EP400: variants seen among roughly 807,000 people sequenced by gnomAD.
EP400 encodes the protein E1A binding protein p400, also known as E1A-binding protein p400.
A neutral mutation model predicts 354.1 loss-of-function variants in EP400; 105 were observed. The observed-to-expected ratio is 0.30, with a 90% CI of 0.25 to 0.35. EP400 has a LOEUF of 0.35. Among genes scored for constraint, EP400 ranks in the 10% least tolerant of loss-of-function variants. The pLI, the probability that EP400 is intolerant of heterozygous loss-of-function variation, is 1.00. For missense variants in EP400, 3,280 were observed against 4,121.0 expected, an observed-to-expected ratio of 0.80 and a Z score of 5.59; for synonymous variants, 1,646 against 1,716.9, an observed-to-expected ratio of 0.96 and a Z score of 1.02.
chr12:131,982,625 A>T, intron 5 of EP400, 147 bp downstream of exon 5: 1 of 989,694 alleles, frequency 1.0e-6, no homozygotes. Flanking sequence ...TACTCAATTC[A>T]GTACTTGCAA....
chr12:131,963,372 A>G (rs1007292395), intron 2 of EP400, among the ~76,000 whole-genome samples: 1 of 152,244 alleles, frequency 6.6e-6, no homozygotes, highest in Admixed American at 6.5e-5. Context: ...TTGTTGTGCT[A>G]TAAATCTGTC....
intron 12 of EP400, among the ~76,000 whole-genome samples, chr12:132,003,333 T>G (rs1893480795): frequency 6.6e-6 from 1 of 152,176 alleles, no homozygotes; most frequent in African/African-American, 2.4e-5. Flanking sequence ...GTATTATAAG[T>G]AACCTAGAGA....
Position 132,050,511 on chromosome 12 carries a change from T to G in EP400, c.7337+52T>G. ...GTTCATTATGACTGAGTAGATTGCG[T>G]GAAGCTTGGTTTTGATGTGTTTTTA... On this transcript the variant is annotated intron_variant, in intron 40 of 52. Transcript: ENST00000389561. The surrounding 1 kb of genome is among the most constrained non-coding windows in gnomAD (Gnocchi z 4.8). The G allele has an allele frequency of 1.2e-6, 2 of 1,613,098 alleles. No individual in the cohort carries two copies. Among genetic ancestry groups the G allele is most frequent in the Non-Finnish European group, 1.7e-6 (2 of 1,179,082 alleles).
intron 19 of EP400, among the ~76,000 whole-genome samples, chr12:132,016,606 TA>T (rs1893943070): frequency 1.3e-5 from 2 of 152,094 alleles, no homozygotes; most frequent in Admixed American, 1.3e-4. Flanking sequence ...CCCTGACCTC[TA>T]GTGATCCGCC....
chr12:132,030,412 G>A (rs148376056), intron 29 of EP400, among the ~76,000 whole-genome samples: 30 of 152,316 alleles, frequency 2.0e-4, no homozygotes, highest in South Asian at 6.2e-4. Context: ...CGATACTGGC[G>A]TACTTCAAGA....
intron 10 of EP400, 30 bp from the exon 11 acceptor site, chr12:131,992,143 T>C (rs1893060224): frequency 1.2e-6 from 2 of 1,600,834 alleles, no homozygotes; most frequent in African/African-American, 1.3e-5. Context: ...TTGGATCTCA[T>C]GCTTGTGGTT....
chr12:132,055,051 ACCC>A (rs1895436182), intron 44 of EP400, 32 bp downstream of exon 44: 1 of 1,613,276 alleles, frequency 6.2e-7, no homozygotes, highest in South Asian at 1.1e-5. Context: ...TGAAATGTGG[ACCC>A]CATTTCTCCT....
intron 11 of EP400, 122 bp downstream of exon 11, chr12:131,992,352 AT>A: frequency 2.3e-6 from 2 of 863,030 alleles, no homozygotes; most frequent in Non-Finnish European, 1.8e-6. Context: ...CAACCTTTGT[AT>A]TTATCCAGAT....
Position 132,070,911 on chromosome 12 carries a change from A to G in EP400, c.9021+1270A>G, listed in dbSNP as rs1170438645. Among the ~76,000 whole-genome samples the G allele has an allele frequency of 2.0e-5, 3 of 152,124 alleles. No homozygotes were observed. The highest frequency in any genetic ancestry group is 4.4e-5 in the Non-Finnish European group (3 of 68,034). ...AGTTTTTTATTCTGGCCGCCTTGCT[A>G]GATTCTGGTTATTTGAATAATTTAT... On this transcript the variant is annotated intron_variant, in intron 51 of 52. Coordinates refer to ENST00000389561, the MANE Select transcript of EP400 (RefSeq NM_015409.5). The surrounding 1 kb of genome is among the most constrained non-coding windows in gnomAD (Gnocchi z 4.1).
rs768195746 is a variant in EP400, at chr12:132,062,578, G to GCAA, written c.8213_8214insACA (p.Gln2748dup). 3.7e-5 allele frequency: 60 copies of GCAA among 1,609,462 alleles called. No individual in the cohort carries two copies. Among genetic ancestry groups the GCAA allele is most frequent in the African/African-American group, 6.7e-5 (5 of 74,424 alleles). On this transcript the variant is annotated inframe_insertion, in exon 47 of 53. Transcript: ENST00000389561. The stretch of plus-strand genomic sequence containing the variant: ...AGCAGCAGCAGCAGCAGCAGCAGCA[G>GCAA]CAGCAGCAGCAGCAACAGCAGCAGC...
At chr12:132,031,862 G>A (rs1036637389) in intron 29 of EP400, 91 bp from the exon 30 acceptor site, 2 of 1,388,030 alleles carry the variant, frequency 1.4e-6, no homozygotes, top group Non-Finnish European at 2.0e-6. Flanking sequence ...GCCTGCTGTG[G>A]GATTATTTCT....
At chr12:131,989,440 C>T (rs1593329369) in intron 7 of EP400, among the ~76,000 whole-genome samples, 1 of 152,226 alleles carries the variant, frequency 6.6e-6, no homozygotes, top group Non-Finnish European at 1.5e-5. Flanking sequence ...GGGTGACAGC[C>T]ATTGTGCTCT....
At chr12:132,023,754 C>T (rs1451419364) in intron 23 of EP400, 23 bp from the exon 24 acceptor site, 2 of 1,609,758 alleles carry the variant, frequency 1.2e-6, no homozygotes, top group Non-Finnish European at 8.5e-7. Context: ...TCTGAATTCA[C>T]CTTTTCCTCT....
Position 132,013,528 on chromosome 12 carries a change from A to G in EP400, c.3650A>G (p.Asn1217Ser). 1.2e-6 allele frequency: 2 copies of G among 1,602,780 alleles called. No homozygotes were observed. The highest frequency in any genetic ancestry group is 1.7e-6 in the Non-Finnish European group (2 of 1,174,522). ...CTTCTGATCGACTCGCCGCTGCACA[A>G]TACCTTCCTGGAGCTCTGGACCATG... ...RLLLIDSPLH[N>S]TFLELWTMVH... The change falls in exon 18 of 53, where the codon AAT (asparagine) becomes AGT (serine). Residue 1217 changes from asparagine to serine, a missense_variant. This residue lies in a region of EP400 where 242 missense variants were observed against 357.9 expected (regional missense o/e 0.68). Transcript: ENST00000389561. This position sits in a 1 kb window ranked among gnomAD's most constrained non-coding sequence, Gnocchi z 4.5.
intron 48 of EP400, 132 bp downstream of exon 48, chr12:132,065,018 T>C: frequency 1.4e-6 from 2 of 1,442,110 alleles, no homozygotes; most frequent in East Asian, 2.5e-5. Context: ...CCCGAGAACT[T>C]AGTACCCCTT....
chr12:132,064,005 C>T (rs1035759881), intron 47 of EP400, among the ~76,000 whole-genome samples: 1 of 148,320 alleles, frequency 6.7e-6, no homozygotes, highest in Non-Finnish European at 1.5e-5. Context: ...TGTCACCTGC[C>T]CCGGTTCAAC....
In EP400 at chr12:132,050,668, T is replaced by G. The variant is rs1364174098; in HGVS notation, c.7394+13T>G. 1.9e-6 allele frequency: 3 copies of G among 1,614,214 alleles called. No individual in the cohort carries two copies. The highest frequency in any genetic ancestry group is 1.1e-5 in the South Asian group (1 of 91,090). The stretch of plus-strand genomic sequence containing the variant: ...TGTTGGCAGAAAGGTATTTCTCTAT[T>G]CGTGACACATTTGTTACTGTTTGGA... On this transcript the variant is annotated intron_variant, in intron 41 of 52. Coordinates refer to ENST00000389561, the MANE Select transcript of EP400 (RefSeq NM_015409.5). This position sits in a 1 kb window ranked among gnomAD's most constrained non-coding sequence, Gnocchi z 4.8.
chr12:131,953,866 A>G (rs1029854225), intron 1 of EP400, among the ~76,000 whole-genome samples: 4 of 152,132 alleles, frequency 2.6e-5, no homozygotes, highest in African/African-American at 7.2e-5. Flanking sequence ...TAATCCAAGC[A>G]CTTTGGGAGG....
chr12:132,047,040 T>G (rs926215937), intron 39 of EP400, among the ~76,000 whole-genome samples: 8 of 152,260 alleles, frequency 5.3e-5, no homozygotes, highest in Non-Finnish European at 1.0e-4. Context: ...GTTCCTAATT[T>G]GTGAGAATTA....
Sources: gnomAD v4.1 joint callset for allele counts (sites outside exome capture counted in the v4.1 genomes callset) on GRCh38, gnomAD v4.1.1 for gene constraint, gnomAD v4.1.1 regional missense constraint, Gnocchi (gnomAD v3.1) non-coding constraint, MANE v1.5 for transcripts, NCBI Gene and HGNC (gene_info 2026-07-23, HGNC 2026-07-21) for gene names.